RBFOX1: variants seen among roughly 807,000 people sequenced by gnomAD.
The protein encoded by RBFOX1 is RNA binding fox-1 homolog 1.
A neutral mutation model predicts 57.7 loss-of-function variants in RBFOX1; 8 were observed. The ratio of observed to expected loss-of-function variants is 0.14; its 90% CI spans 0.08 to 0.25. RBFOX1 has a LOEUF of 0.25. RBFOX1 is among the 10% of genes least tolerant of loss of function. RBFOX1 has a pLI of 1.00. For synonymous variants in RBFOX1, 326 were observed against 222.4 expected (o/e 1.47, Z -4.15); for missense variants, 611 against 548.5 (o/e 1.11, Z -1.14).
chr16:5,492,533 T>G (rs998932933), intron 2 of RBFOX1, among the ~76,000 whole-genome samples: 1 of 152,230 alleles, frequency 6.6e-6, no homozygotes, highest in African/African-American at 2.4e-5. Context: ...GAAGAGATTT[T>G]AATGGAGAGA....
At chr16:6,010,124 C>A (rs1024569078) in intron 4 of RBFOX1, among the ~76,000 whole-genome samples, 1 of 152,110 alleles carries the variant, frequency 6.6e-6, no homozygotes, top group African/African-American at 2.4e-5. Context: ...TGCTGTGTTG[C>A]CCCACACCTC....
At chr16:7,208,535 T>A (rs969782750) in intron 4 of RBFOX1, among the ~76,000 whole-genome samples, 1 of 152,068 alleles carries the variant, frequency 6.6e-6, no homozygotes, top group East Asian at 1.9e-4. Context: ...AGCCAGGCTC[T>A]TTTTCACAAC....
chr16:6,104,230 A>G (rs1047954578), intron 1 of RBFOX1, among the ~76,000 whole-genome samples: 5 of 152,154 alleles, frequency 3.3e-5, no homozygotes, highest in African/African-American at 1.2e-4. Flanking sequence ...TGCTATCTGT[A>G]TGCAATGGGC....
At chr16:6,332,730 G>A (rs1331009227) in intron 2 of RBFOX1, among the ~76,000 whole-genome samples, 1 of 152,072 alleles carries the variant, frequency 6.6e-6, no homozygotes, top group Non-Finnish European at 1.5e-5. Flanking sequence ...TAGTGTATAG[G>A]AGTCTACTGT....
At chr16:5,466,467 C>T (rs1197898489) in intron 1 of RBFOX1, among the ~76,000 whole-genome samples, 1 of 152,112 alleles carries the variant, frequency 6.6e-6, no homozygotes, top group Non-Finnish European at 1.5e-5. Context: ...GGTATTTCAA[C>T]TCCTGGGGCC....
At chr16:5,992,818 C>T (rs1467026161) in intron 4 of RBFOX1, among the ~76,000 whole-genome samples, 8 of 152,132 alleles carry the variant, frequency 5.3e-5, no homozygotes, top group Non-Finnish European at 1.5e-5. Context: ...CCTGTAATCC[C>T]AGCTATTCGG....
chr16:6,612,502 G>A (rs2098076161), intron 2 of RBFOX1, among the ~76,000 whole-genome samples: 1 of 152,268 alleles, frequency 6.6e-6, no homozygotes, highest in African/African-American at 2.4e-5. Context: ...AAGGCAGTTG[G>A]AATTGGATGG....
chr16:5,633,741 G>C (rs1567325221), intron 3 of RBFOX1, among the ~76,000 whole-genome samples: 1 of 151,960 alleles, frequency 6.6e-6, no homozygotes, highest in Non-Finnish European at 1.5e-5. Context: ...GGGCGTCGTG[G>C]TGCATGCCTG....
rs375122566 is a variant in RBFOX1 at position 5,738,989 on chromosome 16, C to CAAAT, written c.319-128313_319-128312insAATA. On this transcript the variant is annotated intron_variant, in intron 3 of 19. Transcript: ENST00000641259. Reference sequence around the variant, plus strand: ...CAGGCTAACTCCCACTTACTCCACACACCCCTTCCTCCACAAGGCCTTGCC... The same window carrying CAAAT: ...CAGGCTAACTCCCACTTACTCCACACAAATACCCCTTCCTCCACAAGGCCTTGCC... 2.6e-5 allele frequency among the ~76,000 whole-genome samples: 4 copies of CAAAT among 152,012 alleles called. No homozygotes were observed. In the East Asian group the frequency reaches 7.7e-4, roughly 29 times the overall value.
At chr16:7,689,298 C>G (rs2076820722) in intron 14 of RBFOX1, among the ~76,000 whole-genome samples, 1 of 152,080 alleles carries the variant, frequency 6.6e-6, no homozygotes, top group South Asian at 2.1e-4. Flanking sequence ...CACCCCCAAC[C>G]AAGCCTTCCC....
At chr16:5,709,861 T>TAAA (rs2051417607) in intron 3 of RBFOX1, among the ~76,000 whole-genome samples, 3 of 62,652 alleles carry the variant, frequency 4.8e-5, no homozygotes, top group Non-Finnish European at 7.0e-5. Context: ...TTTTTTTTTT[T>TAAA]TTTTTTTTTT....
chr16:7,412,626 A>G (rs1237048247), intron 4 of RBFOX1, among the ~76,000 whole-genome samples: 1 of 152,240 alleles, frequency 6.6e-6, no homozygotes, highest in Non-Finnish European at 1.5e-5. Context: ...TTAGTAATAC[A>G]AAGCATTCTA....
At chr16:7,360,210 A>G (rs577697849) in intron 4 of RBFOX1, among the ~76,000 whole-genome samples, 12 of 152,286 alleles carry the variant, frequency 7.9e-5, no homozygotes, top group African/African-American at 2.4e-4. Context: ...GCATGGTATT[A>G]TGTTGTAATT....
intron 4 of RBFOX1, among the ~76,000 whole-genome samples, chr16:7,418,882 T>G (rs200050822): frequency 0.16 from 3,874 of 24,150 alleles, 75 homozygotes; most frequent in Non-Finnish European, 0.2. Flanking sequence ...AGAGTCGAGG[T>G]TTTTTTTTGT....
At chr16:7,060,199 C>G (rs548463642) in intron 4 of RBFOX1, among the ~76,000 whole-genome samples, 127 of 152,206 alleles carry the variant, frequency 8.3e-4, no homozygotes, top group Non-Finnish European at 1.4e-3. Context: ...TCGACACTGC[C>G]ATAATAGCAC....
intron 1 of RBFOX1, among the ~76,000 whole-genome samples, chr16:5,465,049 GA>G (rs1261591084): frequency 2.6e-5 from 4 of 152,184 alleles, no homozygotes; most frequent in South Asian, 2.1e-4. Flanking sequence ...AGAGGGGAGA[GA>G]AAAGCCATAT....
chr16:7,337,264 G>A (rs1457253541), intron 4 of RBFOX1, among the ~76,000 whole-genome samples: 1 of 152,172 alleles, frequency 6.6e-6, no homozygotes, highest in Non-Finnish European at 1.5e-5. Context: ...TTCAGGCAGG[G>A]TGGCTTATGA....
intron 2 of RBFOX1, among the ~76,000 whole-genome samples, chr16:6,501,533 C>G (rs896625078): frequency 4.6e-5 from 7 of 152,022 alleles, no homozygotes; most frequent in Non-Finnish European, 8.8e-5. Context: ...TTAATCCAGT[C>G]TATCATTGTT....
intron 3 of RBFOX1, among the ~76,000 whole-genome samples, chr16:6,910,862 T>C (rs767583565): frequency 1.3e-5 from 2 of 152,314 alleles, no homozygotes; most frequent in East Asian, 3.9e-4. Context: ...CTCCATTTCA[T>C]GCTGGTCTTT....
Sources: gnomAD v4.1 joint callset for allele counts (sites outside exome capture counted in the v4.1 genomes callset) on GRCh38, gnomAD v4.1.1 for gene constraint, MANE v1.5 for transcripts, NCBI Gene and HGNC (gene_info 2026-07-23, HGNC 2026-07-21) for gene names.